The following SEMA3C variants were observed in gnomAD, a reference collection of about 807,000 sequenced individuals.
SEMA3C encodes the protein semaphorin-3C.
SEMA3C carries 47 observed loss-of-function variants against 89.4 expected under a neutral mutation model. The observed-to-expected ratio is 0.53, with a 90% confidence interval of 0.42 to 0.67. The LOEUF is 0.67. Ranked by LOEUF, SEMA3C falls within the 30% of genes least tolerant of loss-of-function variation. The pLI is 0.00. For synonymous variants in SEMA3C, 310 were observed against 320.2 expected (o/e 0.97, Z 0.34); for missense variants, 839 against 929.1 (o/e 0.90, Z 1.26).
In SEMA3C at chr7:80,918,907, C is replaced by G; in HGVS notation, c.-118G>C. The G allele has an allele frequency of 1.0e-6, 1 of 985,432 alleles. No individual in the cohort carries two copies. Among genetic ancestry groups the G allele is most frequent in the South Asian group, 4.7e-5 (1 of 21,284 alleles). The allele number at this position is 985,432 out of a possible 1,614,324, so 61.0% of individuals were successfully genotyped here. On this transcript the variant is annotated 5_prime_UTR_variant, in exon 1 of 18. Coordinates refer to ENST00000265361, the MANE Select transcript of SEMA3C (RefSeq NM_006379.5). ...TGCGCTTGTGTCTCCAGTCCTTTTCCCAGACGACCTTATTTTCTAGCACGT... is the reference window on the plus strand; with the variant it reads ...TGCGCTTGTGTCTCCAGTCCTTTTCGCAGACGACCTTATTTTCTAGCACGT...
rs1173473849 is a variant in SEMA3C, at chr7:80,743,957, T to C, written c.*937A>G. 1 of 152,042 alleles carries C rather than the reference T, an allele frequency of 6.6e-6. No individual in the cohort carries two copies. The highest frequency in any genetic ancestry group is 2.4e-5 in the African/African-American group (1 of 41,442). The allele number at this position is 152,042 out of a possible 1,614,324, so 9.4% of individuals were successfully genotyped here. A position where few individuals can be genotyped will look rare whatever the true frequency, so the allele number is the denominator to read the frequency against. On this transcript the variant is annotated 3_prime_UTR_variant, in exon 18 of 18. Transcript: ENST00000265361. The stretch of plus-strand genomic sequence containing the variant: ...TAGCCATATTTGTTATAAATTCCTC[T>C]TAAAAAATTAGTAGTTTCTACTTTG...
At chr7:80,792,532 T>C (rs903764360) in intron 11 of SEMA3C, among the ~76,000 whole-genome samples, 22 of 152,326 alleles carry the variant, frequency 1.4e-4, no homozygotes, top group Admixed American at 1.2e-3. Context: ...GACAAGCTTA[T>C]TAAATGACCA....
Position 80,744,787 on chromosome 7 carries a change from C to T in SEMA3C, c.*107G>A. The T allele has an allele frequency of 1.5e-6, 2 of 1,299,620 alleles. No homozygotes were observed. Among genetic ancestry groups the T allele is most frequent in the Non-Finnish European group, 1.1e-6 (1 of 911,946 alleles). The allele number at this position is 1,299,620 out of a possible 1,614,324, so 80.5% of individuals were successfully genotyped here. ...TAAAACTCACTTCAGGAGTAATCAC[C>T]TTTTTCAGTAATTCCCCTTGGTAAA... On this transcript the variant is annotated 3_prime_UTR_variant, in exon 18 of 18. Coordinates refer to ENST00000265361, the MANE Select transcript of SEMA3C (RefSeq NM_006379.5).
In SEMA3C at chr7:80,816,985, C is replaced by T. The variant is rs536554303; in HGVS notation, c.447+1314G>A. On this transcript the variant is annotated intron_variant, in intron 5 of 17. Coordinates refer to ENST00000265361, the MANE Select transcript of SEMA3C (RefSeq NM_006379.5). ...GCCTGTACAGTGACTGCACAGACTT[C>T]AGGGAAGTGTCTGACAGATTGCAGA... Among the ~76,000 whole-genome samples, 715 of 152,272 alleles carry T rather than the reference C, an allele frequency of 4.7e-3. 6 individuals are homozygous for T. Among genetic ancestry groups the T allele is most frequent in the Non-Finnish European group, 7.5e-3 (509 of 68,018 alleles).
intron 15 of SEMA3C, among the ~76,000 whole-genome samples, chr7:80,751,545 CTGAG>C (rs1787936377): frequency 6.6e-6 from 1 of 151,970 alleles, no homozygotes; most frequent in African/African-American, 2.4e-5. Context: ...GCTTTTCAAT[CTGAG>C]TAAGTTTTCC....
In SEMA3C at chr7:80,815,720, A is replaced by C. The variant is rs116891398; in HGVS notation, c.447+2579T>G. ...ACTGAAACAGACTAGATTGGTGGCA[A>C]ATTTCATTCAAAAAGCATAGGGGAT... On this transcript the variant is annotated intron_variant, in intron 5 of 17. Transcript: ENST00000265361. Among the ~76,000 whole-genome samples the C allele has an allele frequency of 8.5e-3, 1,292 of 152,034 alleles. 22 individuals are homozygous for C. Among genetic ancestry groups the C allele is most frequent in the South Asian group, 0.039 (187 of 4,830 alleles).
At chr7:80,818,227 T>A in intron 5 of SEMA3C, 72 bp downstream of exon 5, 1 of 1,389,520 alleles carries the variant, frequency 7.2e-7, no homozygotes, top group Non-Finnish European at 9.8e-7. Flanking sequence ...TCCAAGTTTT[T>A]ACTCTAAAAT....
At position 80,877,904 on chromosome 7, in the gene SEMA3C, C is replaced by T. The variant is rs563688534; in HGVS notation, c.103+38775G>A. Among the ~76,000 whole-genome samples, 6 of 152,224 alleles carry T rather than the reference C, an allele frequency of 3.9e-5. No individual in the cohort carries two copies. In the East Asian group the frequency reaches 1.2e-3, roughly 29 times the overall value. ...AGGCAAAACTCCTCCCAGGTGATTC[C>T]ACATCATGAATTCCCACTCAAGGTG... On this transcript the variant is annotated intron_variant, in intron 2 of 17. Coordinates refer to ENST00000265361, the MANE Select transcript of SEMA3C (RefSeq NM_006379.5).
chr7:80,825,887 T>C (rs149163146), intron 4 of SEMA3C, among the ~76,000 whole-genome samples: 1 of 152,308 alleles, frequency 6.6e-6, no homozygotes, highest in East Asian at 1.9e-4. Flanking sequence ...CATTCTACCA[T>C]TGGTTTCCTG....
intron 2 of SEMA3C, among the ~76,000 whole-genome samples, chr7:80,865,168 C>T (rs1790896685): frequency 6.6e-6 from 1 of 152,054 alleles, no homozygotes; most frequent in Admixed American, 6.6e-5. Context: ...AAAAAGGTCA[C>T]TTAAAGCTCT....
At position 80,804,210 on chromosome 7, in the gene SEMA3C, T is replaced by C. The variant is rs1397150802; in HGVS notation, c.697A>G (p.Thr233Ala). 4 of 1,611,032 alleles carry C rather than the reference T, an allele frequency of 2.5e-6. No individual in the cohort carries two copies. The South Asian group carries it at 4.4e-5, about 18-fold the overall frequency. The stretch of plus-strand genomic sequence containing the variant: ...TACACCTTAGCATCATTTGGATCAG[T>C]ACCATCTGGGATGACATGTGCATCT... ...FVDAHVIPDG[T>A]DPNDAKVYFF... The change falls in exon 8 of 18, where the codon ACT becomes GCT. Residue 233 changes from threonine (T) to alanine (A), a missense_variant. Coordinates refer to ENST00000265361, the MANE Select transcript of SEMA3C (RefSeq NM_006379.5).
intron 2 of SEMA3C, among the ~76,000 whole-genome samples, chr7:80,861,065 A>C (rs1459243350): frequency 1.3e-5 from 2 of 152,140 alleles, no homozygotes; most frequent in Non-Finnish European, 2.9e-5. Context: ...GAAAATGAGA[A>C]CATACCAATA....
intron 2 of SEMA3C, among the ~76,000 whole-genome samples, chr7:80,902,172 T>C (rs1007721428): frequency 6.6e-6 from 1 of 152,198 alleles, no homozygotes; most frequent in African/African-American, 2.4e-5. Context: ...AGGCTGGTCT[T>C]GGACTCCTGG....
intron 11 of SEMA3C, among the ~76,000 whole-genome samples, chr7:80,792,088 T>C (rs537350195): frequency 6.6e-6 from 1 of 152,342 alleles, no homozygotes; most frequent in Non-Finnish European, 1.5e-5. Context: ...CTTTATTCCA[T>C]TAACTAGACT....
chr7:80,900,724 T>C (rs1199874430), intron 2 of SEMA3C, among the ~76,000 whole-genome samples: 3 of 152,158 alleles, frequency 2.0e-5, no homozygotes, highest in Non-Finnish European at 2.9e-5. Context: ...AAGATAAAGG[T>C]TGGGAGGGCC....
At chr7:80,765,365 T>C (rs2117060437) in intron 12 of SEMA3C, 122 bp from the exon 13 acceptor site, 2 of 686,316 alleles carry the variant, frequency 2.9e-6, no homozygotes, top group East Asian at 5.6e-5. Context: ...AAACATTGTA[T>C]GTATTAAGCC....
chr7:80,829,632 C>T (rs1255548131), intron 2 of SEMA3C, among the ~76,000 whole-genome samples: 1 of 152,070 alleles, frequency 6.6e-6, no homozygotes, highest in Non-Finnish European at 1.5e-5. Context: ...TATGAATTTT[C>T]AGGTATCTAA....
chr7:80,898,824 CAAA>C (rs34542451), intron 2 of SEMA3C, among the ~76,000 whole-genome samples: 26 of 109,498 alleles, frequency 2.4e-4, no homozygotes, highest in African/African-American at 4.4e-4. Context: ...TTTGTTTGAC[CAAA>C]AAAAAAAAAA....
intron 13 of SEMA3C, among the ~76,000 whole-genome samples, chr7:80,764,272 T>C (rs1788247902): frequency 6.6e-6 from 1 of 152,226 alleles, no homozygotes; most frequent in Admixed American, 6.5e-5. Context: ...TGGTCTTTTG[T>C]TGTGTCTGGG....
Sources: gnomAD v4.1 joint callset for allele counts (sites outside exome capture counted in the v4.1 genomes callset) on GRCh38, gnomAD v4.1.1 for gene constraint, MANE v1.5 for transcripts, NCBI Gene and HGNC (gene_info 2026-07-23, HGNC 2026-07-21) for gene names.